The following VAV3 variants were observed in gnomAD, a reference collection of about 807,000 sequenced individuals.
VAV3 encodes guanine nucleotide exchange factor VAV3.
VAV3 carries 94 observed loss-of-function variants against 131.2 expected under a neutral mutation model. The ratio of observed to expected loss-of-function variants is 0.72; its 90% confidence interval spans 0.61 to 0.85. The LOEUF is 0.85. VAV3 is among the 40% of genes least tolerant of loss of function. The probability of loss-of-function intolerance (pLI) is 0.00; values close to 1 mark genes in which losing one functional copy is unlikely to be tolerated. For missense variants in VAV3, 939 were observed against 1,002.7 expected (o/e 0.94, Z 0.86); for synonymous variants, 349 against 342.0 (o/e 1.02, Z -0.22).
intron 20 of VAV3, among the ~76,000 whole-genome samples, chr1:107,630,733 T>C (rs1654403703): frequency 6.6e-6 from 1 of 152,148 alleles, no homozygotes. Context: ...CATGTCTTCT[T>C]TGAGTATGAA....
intron 3 of VAV3, 79 bp from the exon 4 acceptor site, chr1:107,777,375 C>A: frequency 7.7e-7 from 1 of 1,292,650 alleles, no homozygotes; most frequent in South Asian, 1.2e-5. Flanking sequence ...GCACTTAACC[C>A]TCACTAAATA....
chr1:107,725,606 C>T (rs1661791775), intron 15 of VAV3, among the ~76,000 whole-genome samples: 1 of 152,168 alleles, frequency 6.6e-6, no homozygotes, highest in Admixed American at 6.5e-5. Context: ...CCTCTGCCTC[C>T]TGGGTTCATG....
chr1:107,948,540 T>C (rs1347455811), intron 1 of VAV3, among the ~76,000 whole-genome samples: 2 of 152,232 alleles, frequency 1.3e-5, no homozygotes, highest in Non-Finnish European at 2.9e-5. Flanking sequence ...TAATTGTATA[T>C]AACTCTTTCA....
At chr1:107,637,075 AC>A (rs1654986854) in intron 20 of VAV3, among the ~76,000 whole-genome samples, 1 of 152,168 alleles carries the variant, frequency 6.6e-6, no homozygotes, top group African/African-American at 2.4e-5. Context: ...TAAAATGCAT[AC>A]CTATCTAGTC....
chr1:107,872,588 T>A (rs1670301767), intron 2 of VAV3, among the ~76,000 whole-genome samples: 1 of 152,210 alleles, frequency 6.6e-6, no homozygotes, highest in East Asian at 1.9e-4. Context: ...ACAAGAATTA[T>A]TTCAGTTCCA....
chr1:107,742,402 T>C (rs188763429), intron 15 of VAV3, among the ~76,000 whole-genome samples: 4 of 152,340 alleles, frequency 2.6e-5, no homozygotes, highest in South Asian at 2.1e-4. Context: ...ACAGATCTAA[T>C]GGCAACCCCA....
intron 3 of VAV3, among the ~76,000 whole-genome samples, chr1:107,778,920 AAGG>A (rs1427287693): frequency 6.6e-6 from 1 of 152,166 alleles, no homozygotes; most frequent in African/African-American, 2.4e-5. Context: ...ACTCTATTGC[AAGG>A]AGATGACATA....
At chr1:107,857,511 T>C (rs771275159) in intron 2 of VAV3, among the ~76,000 whole-genome samples, 16 of 152,146 alleles carry the variant, frequency 1.1e-4, no homozygotes, top group Non-Finnish European at 2.4e-4. Context: ...ACATTTTCCA[T>C]GACAATGAAT....
intron 20 of VAV3, among the ~76,000 whole-genome samples, chr1:107,621,070 G>A (rs994757817): frequency 4.0e-5 from 6 of 148,856 alleles, no homozygotes; most frequent in African/African-American, 1.5e-4. Context: ...AAGTACACAT[G>A]GTCATCATAT....
chr1:107,919,615 A>C (rs1350042554), intron 1 of VAV3, among the ~76,000 whole-genome samples: 1 of 152,134 alleles, frequency 6.6e-6, no homozygotes, highest in Non-Finnish European at 1.5e-5. Flanking sequence ...TAGAGAGGGG[A>C]ATATATATAT....
At chr1:107,839,407 A>G (rs545226506) in intron 2 of VAV3, among the ~76,000 whole-genome samples, 1 of 152,302 alleles carries the variant, frequency 6.6e-6, no homozygotes, top group South Asian at 2.1e-4. Context: ...ATATCTGTTA[A>G]TTAAAGAACA....
intron 15 of VAV3, among the ~76,000 whole-genome samples, chr1:107,706,120 G>C (rs1327314231): frequency 6.6e-6 from 1 of 152,044 alleles, no homozygotes; most frequent in East Asian, 1.9e-4. Flanking sequence ...TACAAATCAG[G>C]GGTACACCTA....
At chr1:107,648,918 T>A (rs960705322) in intron 19 of VAV3, among the ~76,000 whole-genome samples, 34 of 152,018 alleles carry the variant, frequency 2.2e-4, no homozygotes, top group African/African-American at 8.2e-4. Context: ...TCTGGTGTTA[T>A]CTTGGGAAGC....
At chr1:107,837,147 T>A (rs980105901) in intron 2 of VAV3, among the ~76,000 whole-genome samples, 7 of 151,898 alleles carry the variant, frequency 4.6e-5, no homozygotes, top group Non-Finnish European at 8.8e-5. Flanking sequence ...ATATCCCTGA[T>A]GAATATAGAT....
chr1:107,908,706 T>A (rs1284197845), intron 1 of VAV3, among the ~76,000 whole-genome samples: 2 of 152,042 alleles, frequency 1.3e-5, no homozygotes, highest in African/African-American at 4.8e-5. Context: ...AAAGGACTAC[T>A]GAAGAAAATG....
chr1:107,944,124 A>T (rs920935320), intron 1 of VAV3, among the ~76,000 whole-genome samples: 2 of 152,250 alleles, frequency 1.3e-5, no homozygotes, highest in Admixed American at 1.3e-4. Context: ...AAACCCAAGG[A>T]GCAAAGATAC....
chr1:107,919,499 T>G (rs1672784715), intron 1 of VAV3, among the ~76,000 whole-genome samples: 2 of 152,208 alleles, frequency 1.3e-5, no homozygotes, highest in African/African-American at 4.8e-5. Context: ...GAATTTATCT[T>G]CTACAAGACT....
chr1:107,651,569 C>A (rs916936923), intron 19 of VAV3, among the ~76,000 whole-genome samples: 3 of 147,118 alleles, frequency 2.0e-5, no homozygotes, highest in African/African-American at 7.6e-5. Context: ...AGGGAGGGAC[C>A]CTTTCTCTCC....
chr1:107,619,206 G>C (rs1430570330), intron 20 of VAV3, among the ~76,000 whole-genome samples: 5 of 152,198 alleles, frequency 3.3e-5, no homozygotes, highest in African/African-American at 1.2e-4. Flanking sequence ...ATGACTTAGA[G>C]AGGAATCTGA....
Sources: gnomAD v4.1 joint callset for allele counts (sites outside exome capture counted in the v4.1 genomes callset) on GRCh38, gnomAD v4.1.1 for gene constraint, MANE v1.5 for transcripts, NCBI Gene and HGNC (gene_info 2026-07-23, HGNC 2026-07-21) for gene names.